Variants in TRAPPC9 observed in about 807,000 individuals in gnomAD.
TRAPPC9 encodes IKK2 binding protein.
Under a neutral mutation model 124.0 loss-of-function variants are expected in TRAPPC9, and 83 were observed. The observed-to-expected ratio is 0.67, with a 90% CI of 0.56 to 0.80. The LOEUF (loss-of-function observed/expected upper bound fraction) is 0.80, where lower values mean the gene tolerates loss of function less well. TRAPPC9 is among the 30% of genes least tolerant of loss of function. TRAPPC9 has a pLI of 0.00. For missense variants in TRAPPC9, 1,302 were observed against 1,508.3 expected (o/e 0.86, Z 2.27); for synonymous variants, 638 against 617.5 (o/e 1.03, Z -0.49).
chr8:140,449,986 C>T (rs1230224647), intron 2 of TRAPPC9, among the ~76,000 whole-genome samples: 1 of 152,200 alleles, frequency 6.6e-6, no homozygotes, highest in East Asian at 1.9e-4. Context: ...ACAGTTGATA[C>T]TGATTTTTAA....
intron 21 of TRAPPC9, among the ~76,000 whole-genome samples, chr8:139,751,557 A>G (rs1342111692): frequency 2.0e-5 from 3 of 152,050 alleles, no homozygotes; most frequent in Non-Finnish European, 2.9e-5. Context: ...TGAGGTTCTT[A>G]GTTAGGGTGA....
chr8:140,300,245 G>A (rs113862064), intron 11 of TRAPPC9, among the ~76,000 whole-genome samples: 118 of 141,678 alleles, frequency 8.3e-4, no homozygotes, highest in African/African-American at 2.9e-3. Flanking sequence ...ATGCACGCAC[G>A]CATGCATACA....
intron 17 of TRAPPC9, among the ~76,000 whole-genome samples, chr8:140,055,122 T>C (rs1023288617): frequency 6.6e-6 from 1 of 152,164 alleles, no homozygotes; most frequent in African/African-American, 2.4e-5. Context: ...CTGATTAACA[T>C]GGACGCAAAA....
chr8:140,081,242 T>C (rs1843796146), intron 17 of TRAPPC9, among the ~76,000 whole-genome samples: 1 of 152,144 alleles, frequency 6.6e-6, no homozygotes, highest in African/African-American at 2.4e-5. Context: ...CCCATCAGCC[T>C]GGAATCCCAG....
chr8:140,053,707 A>G (rs182790002), intron 17 of TRAPPC9, among the ~76,000 whole-genome samples: 11 of 152,232 alleles, frequency 7.2e-5, no homozygotes, highest in Admixed American at 6.5e-4. Flanking sequence ...CCCTTTAGTC[A>G]GTGTTTGCTT....
At chr8:140,379,260 G>A (rs2068534336) in intron 7 of TRAPPC9, among the ~76,000 whole-genome samples, 3 of 152,212 alleles carry the variant, frequency 2.0e-5, no homozygotes, top group African/African-American at 7.2e-5. Context: ...CCTAGTGGAG[G>A]TCATCTCCCT....
At position 139,907,561 on chromosome 8, in the gene TRAPPC9, CAGAG is replaced by C. The variant is rs1350586295; in HGVS notation, c.2964+2582_2964+2585del. 3.5e-5 allele frequency among the ~76,000 whole-genome samples: 3 copies of C among 86,178 alleles called. No individual in the cohort carries two copies. The highest frequency in any genetic ancestry group is 9.7e-5 in the African/African-American group (2 of 20,602). The allele number at this position is 86,178 out of a possible 152,430, so 56.5% of individuals were successfully genotyped here. A position where few individuals can be genotyped will look rare whatever the true frequency, so the allele number is the denominator to read the frequency against. ...AAAGGGGGGGAGGAAGGGATGGAGG[CAGAG>C]AGGGAGGGAGGGAGGGAGGGAGGGA... On this transcript the variant is annotated intron_variant, in intron 20 of 22. Coordinates refer to ENST00000438773, the MANE Select transcript of TRAPPC9 (RefSeq NM_001160372.4). The surrounding 1 kb of genome is among the most constrained non-coding windows in gnomAD (Gnocchi z 4.7).
intron 21 of TRAPPC9, among the ~76,000 whole-genome samples, chr8:139,753,302 G>A (rs190913348): frequency 0.012 from 1,207 of 98,920 alleles, 18 homozygotes; most frequent in African/African-American, 0.045. Context: ...CCCATCTACC[G>A]TCCATCCATC....
intron 17 of TRAPPC9, among the ~76,000 whole-genome samples, chr8:140,066,432 G>A (rs918729502): frequency 3.9e-5 from 6 of 152,226 alleles, no homozygotes; most frequent in East Asian, 1.9e-4. Flanking sequence ...GTTTAATGTC[G>A]CTCCCCCACG....
At chr8:140,287,243 A>T (rs1347448491) in intron 13 of TRAPPC9, among the ~76,000 whole-genome samples, 1 of 152,168 alleles carries the variant, frequency 6.6e-6, no homozygotes, top group Non-Finnish European at 1.5e-5. Context: ...TGAGTCCAGG[A>T]TGTAGAGGGT....
At chr8:139,736,836 G>C (rs1198632840) in intron 21 of TRAPPC9, among the ~76,000 whole-genome samples, 1 of 152,196 alleles carries the variant, frequency 6.6e-6, no homozygotes, top group Non-Finnish European at 1.5e-5. Context: ...CGAACAAGCG[G>C]TGTCCAGTCC....
chr8:140,428,772 C>T (rs1351335348), intron 4 of TRAPPC9, among the ~76,000 whole-genome samples: 1 of 152,208 alleles, frequency 6.6e-6, no homozygotes, highest in Admixed American at 6.5e-5. Flanking sequence ...GAAAACTCCA[C>T]TTTCTCTGAA....
chr8:140,116,820 A>AGT (rs2060896182), intron 17 of TRAPPC9, among the ~76,000 whole-genome samples: 1 of 98,334 alleles, frequency 1.0e-5, no homozygotes, highest in African/African-American at 2.9e-5. Context: ...GGTGGGGCTG[A>AGT]ATAGGCGGAG....
At chr8:139,963,853 T>C (rs1489166669) in intron 19 of TRAPPC9, among the ~76,000 whole-genome samples, 2 of 151,400 alleles carry the variant, frequency 1.3e-5, no homozygotes, top group Non-Finnish European at 2.9e-5. Context: ...TGGAATCAAT[T>C]AAAATGACTG....
At chr8:139,968,774 G>T (rs957300944) in intron 19 of TRAPPC9, among the ~76,000 whole-genome samples, 1 of 152,174 alleles carries the variant, frequency 6.6e-6, no homozygotes, top group Non-Finnish European at 1.5e-5. Context: ...AGCAAGGGAG[G>T]TACTGACATC....
chr8:140,076,086 T>C (rs897601412), intron 17 of TRAPPC9, among the ~76,000 whole-genome samples: 2 of 152,138 alleles, frequency 1.3e-5, no homozygotes, highest in Non-Finnish European at 2.9e-5. Context: ...GCTATCACGA[T>C]CCCCATTTTA....
chr8:139,730,715 T>C lies in TRAPPC9; in HGVS notation c.*346A>G. On this transcript the variant is annotated 3_prime_UTR_variant, in exon 23 of 23. Transcript: ENST00000438773. ...GACGAGGGAGGTCCCTCTGCTGGGA[T>C]GAGCAGCACAGCACGGCTGGGGCCC... is the stretch of plus-strand genomic sequence containing the variant. The C allele has an allele frequency of 3.1e-6, 1 of 319,792 alleles. No homozygotes were observed. Among genetic ancestry groups the C allele is most frequent in the Non-Finnish European group, 5.9e-6 (1 of 170,018 alleles). 19.8% of individuals were successfully genotyped at this position (319,792 alleles called of 1,614,324 possible).
At chr8:139,770,094 A>G (rs1023501394) in intron 21 of TRAPPC9, among the ~76,000 whole-genome samples, 3 of 152,244 alleles carry the variant, frequency 2.0e-5, no homozygotes, top group Non-Finnish European at 4.4e-5. Flanking sequence ...GACACCAGCG[A>G]AAGCCCAATC....
intron 18 of TRAPPC9, among the ~76,000 whole-genome samples, chr8:140,001,719 T>C (rs939825282): frequency 8.0e-4 from 122 of 152,186 alleles, no homozygotes; most frequent in African/African-American, 2.8e-3. Flanking sequence ...AATGGACCAG[T>C]TTCTTGAAAG....
Sources: allele counts gnomAD v4.1 joint callset (sites outside exome capture counted in the v4.1 genomes callset), GRCh38; gene constraint gnomAD v4.1.1; non-coding constraint Gnocchi (gnomAD v3.1); transcripts MANE v1.5; gene names NCBI Gene and HGNC (gene_info 2026-07-23, HGNC 2026-07-21).